Variants in SLC66A2 observed in about 807,000 individuals in gnomAD.
SLC66A2 encodes solute carrier family 66 member 2.
A neutral mutation model predicts 25.5 loss-of-function variants in SLC66A2; 23 were observed. That is an observed-to-expected ratio of 0.90 (90% confidence interval 0.65 to 1.28). The LOEUF (loss-of-function observed/expected upper bound fraction) is 1.28. Among genes scored for constraint, SLC66A2 ranks in the 50% most tolerant of loss-of-function variants. The pLI, the probability that SLC66A2 is intolerant of heterozygous loss-of-function variation, is 0.00. For missense variants in SLC66A2, 396 were observed against 373.1 expected (o/e 1.06, Z -0.51); for synonymous variants, 193 against 166.5 (o/e 1.16, Z -1.23).
rs1981748270 is a variant in SLC66A2, at chr18:79,904,499, G to A, written c.609-316C>T. Among the ~76,000 whole-genome samples the A allele has an allele frequency of 6.6e-6, 1 of 152,078 alleles. No individual in the cohort carries two copies. Among genetic ancestry groups the A allele is most frequent in the South Asian group, 2.1e-4 (1 of 4,822 alleles). On this transcript the variant is annotated intron_variant, in intron 5 of 5. Transcript: ENST00000397778. This position sits in a 1 kb window ranked among gnomAD's most constrained non-coding sequence, Gnocchi z 6.3. ...GGCCGCAAGAGCTGCCGCCTGGCTG[G>A]GGCTCTGCAAGCCCAAGAACAGTGA...
At chr18:79,916,158 C>T (rs367827974) in intron 5 of SLC66A2, among the ~76,000 whole-genome samples, 114 of 50,870 alleles carry the variant, frequency 2.2e-3, no homozygotes, top group East Asian at 7.3e-3. Flanking sequence ...GCGGCGCTCT[C>T]GTACCCGCAG....
intron 5 of SLC66A2, among the ~76,000 whole-genome samples, chr18:79,906,694 T>G (rs1369000778): frequency 6.6e-6 from 1 of 152,272 alleles, no homozygotes; most frequent in Non-Finnish European, 1.5e-5. Context: ...TTCACTTGGC[T>G]GTTGATGGTG....
chr18:79,933,384 G>A (rs1336176433), intron 4 of SLC66A2, among the ~76,000 whole-genome samples: 1 of 152,100 alleles, frequency 6.6e-6, no homozygotes, highest in East Asian at 1.9e-4. Flanking sequence ...AATAAGATAG[G>A]TGCATCCACT....
Position 79,904,030 on chromosome 18 carries a change from G to A in SLC66A2, c.762C>T (p.His254=). 1 of 1,606,064 alleles carries A rather than the reference G, an allele frequency of 6.2e-7. No homozygotes were observed. The highest frequency in any genetic ancestry group is 8.5e-7 in the Non-Finnish European group (1 of 1,177,062). ...ILGQAYAFAR[H]PQKPAPHAVH... ...CGGCGTGGGGCGCCGGCTTCTGGGG[G>A]TGGCGGGCGAAGGCGTAGGCCTGCC... Residue 254 remains histidine, a synonymous_variant, in exon 6 of 6, where the codon CAC becomes CAT. Coordinates refer to ENST00000397778, the MANE Select transcript of SLC66A2 (RefSeq NM_025078.5). The surrounding 1 kb of genome is among the most constrained non-coding windows in gnomAD (Gnocchi z 6.3).
intron 5 of SLC66A2, among the ~76,000 whole-genome samples, chr18:79,914,010 G>A (rs781620752): frequency 1.4e-4 from 21 of 152,214 alleles, no homozygotes; most frequent in Non-Finnish European, 2.4e-4. Context: ...CCAGGTTCAA[G>A]TGATTCTCCT....
intron 4 of SLC66A2, among the ~76,000 whole-genome samples, chr18:79,923,969 C>T (rs1034609764): frequency 2.7e-5 from 4 of 150,094 alleles, no homozygotes; most frequent in Non-Finnish European, 4.4e-5. Context: ...CCCAGGAGTT[C>T]AAGGCTGTAG....
In SLC66A2 at chr18:79,919,208, CG is replaced by C. The variant is rs771949291; in HGVS notation, c.583del (p.Arg195AlafsTer8). On this transcript the variant is annotated frameshift_variant, in exon 5 of 6. Coordinates refer to ENST00000397778, the MANE Select transcript of SLC66A2 (RefSeq NM_025078.5). LOFTEE classifies it high-confidence loss of function. ...CCTCATGCCCTCCGTGGACTGGTGG[CG>C]GTGGTTGCGGTAAAGCTGGGGCACA... The part of the protein sequence containing the change: ...LGVPQLYRNH[R>X]HQSTEGMSIK... 3.5e-5 allele frequency: 56 copies of C among 1,612,954 alleles called. No individual in the cohort carries two copies. Among genetic ancestry groups the C allele is most frequent in the Non-Finnish European group, 4.5e-5 (53 of 1,179,994 alleles).
intron 2 of SLC66A2, chr18:79,944,529 C>G (rs72984216): frequency 6.6e-6 from 1 of 152,420 alleles, no homozygotes; most frequent in South Asian, 2.1e-4. Context: ...TGCCTCCCTG[C>G]GGTCTCTGCC....
chr18:79,906,871 G>T (rs1209070677), intron 5 of SLC66A2, among the ~76,000 whole-genome samples: 2 of 152,210 alleles, frequency 1.3e-5, no homozygotes, highest in Non-Finnish European at 2.9e-5. Flanking sequence ...CAGAACTGTT[G>T]TATCTTCTTG....
intron 5 of SLC66A2, among the ~76,000 whole-genome samples, chr18:79,908,797 T>C (rs903021809): frequency 3.9e-5 from 6 of 152,248 alleles, no homozygotes; most frequent in Non-Finnish European, 8.8e-5. Flanking sequence ...TCGTGAAATA[T>C]ATTATTTAGA....
intron 1 of SLC66A2, 83 bp from the exon 2 acceptor site, chr18:79,951,108 G>A: frequency 3.0e-6 from 1 of 334,032 alleles, no homozygotes; most frequent in Non-Finnish European, 5.2e-6. Context: ...CGCGCCAGCC[G>A]CAGGACCCGA....
At chr18:79,913,970 G>A (rs536936835) in intron 5 of SLC66A2, among the ~76,000 whole-genome samples, 48 of 152,224 alleles carry the variant, frequency 3.2e-4, no homozygotes, top group African/African-American at 1.0e-3. Context: ...GTGCAGTGGC[G>A]CGATCTTGGC....
chr18:79,924,171 C>T (rs1471660458), intron 4 of SLC66A2, among the ~76,000 whole-genome samples: 7 of 152,138 alleles, frequency 4.6e-5, no homozygotes, highest in Admixed American at 1.3e-4. Context: ...AGGCACGAGG[C>T]GAGGCAGCTG....
rs780373368 is a variant in SLC66A2, at chr18:79,940,759, C to T, written c.337+2570G>A. ...AGGCCTGGCCCATCCACCAAGGGGACGTGGACATGTATAAACTCAAACCGG... is the reference window on the plus strand; with the variant it reads ...AGGCCTGGCCCATCCACCAAGGGGATGTGGACATGTATAAACTCAAACCGG... On this transcript the variant is annotated intron_variant, in intron 3 of 5. Transcript: ENST00000397778. The surrounding 1 kb of genome is among the most constrained non-coding windows in gnomAD (Gnocchi z 4.1). 2.6e-5 allele frequency among the ~76,000 whole-genome samples: 4 copies of T among 152,128 alleles called. No individual in the cohort carries two copies. The highest frequency in any genetic ancestry group is 6.5e-5 in the Admixed American group (1 of 15,280).
intron 5 of SLC66A2, 62 bp downstream of exon 5, chr18:79,919,122 A>C: frequency 6.9e-7 from 1 of 1,456,872 alleles, no homozygotes; most frequent in South Asian, 1.2e-5. Context: ...ATTTTTACCA[A>C]ATCTGCAGCC....
Position 79,919,267 on chromosome 18 carries a change from G to A in SLC66A2, c.525C>T (p.Gly175=), listed in dbSNP as rs1984679663. 1 of 1,613,370 alleles carries A rather than the reference G, an allele frequency of 6.2e-7. No homozygotes were observed. The highest frequency in any genetic ancestry group is 8.5e-7 in the Non-Finnish European group (1 of 1,180,028). The stretch of plus-strand genomic sequence containing the variant: ...TGGCTTCGGTCAGCACAGCCAGGAA[G>A]CCCAGGGTCTCCACAAACAGGGCGG... ...IDSALFVETL[G]FLAVLTEAML... The change falls in exon 5 of 6, where the codon GGC becomes GGT. Residue 175 remains glycine (G), a synonymous_variant. Transcript: ENST00000397778.
At position 79,918,374 on chromosome 18, in the gene SLC66A2, G is replaced by T. The variant is rs115478030; in HGVS notation, c.608+810C>A. Among the ~76,000 whole-genome samples, 7 of 151,664 alleles carry T rather than the reference G, an allele frequency of 4.6e-5. No homozygotes were observed. Among genetic ancestry groups the T allele is most frequent in the Non-Finnish European group, 5.9e-5 (4 of 67,902 alleles). ...CGTGTGGGGGCTCAGGGTGTTCTCC[G>T]TGAGGAGCGGGCACCGGGGGGCGGA... On this transcript the variant is annotated intron_variant, in intron 5 of 5. Coordinates refer to ENST00000397778, the MANE Select transcript of SLC66A2 (RefSeq NM_025078.5). This position sits in a 1 kb window ranked among gnomAD's most constrained non-coding sequence, Gnocchi z 4.0.
rs1413950674 is a variant in SLC66A2, at chr18:79,902,423, G to A, written c.*1553C>T. The A allele has an allele frequency of 6.6e-6, 1 of 152,294 alleles. No homozygotes were observed. Among genetic ancestry groups the A allele is most frequent in the Non-Finnish European group, 1.5e-5 (1 of 68,074 alleles). The allele number at this position is 152,294 out of a possible 1,614,324, so 9.4% of individuals were successfully genotyped here. A position where few individuals can be genotyped will look rare whatever the true frequency, so the allele number is the denominator to read the frequency against. ...CTTCCCTCTGCCCAAGGCCAACTCA[G>A]GATCCACAAATGGTTTATTGATTCC... On this transcript the variant is annotated 3_prime_UTR_variant, in exon 6 of 6. Coordinates refer to ENST00000397778, the MANE Select transcript of SLC66A2 (RefSeq NM_025078.5).
chr18:79,914,533 C>T (rs192213097), intron 5 of SLC66A2, among the ~76,000 whole-genome samples: 1 of 151,594 alleles, frequency 6.6e-6, no homozygotes, highest in East Asian at 2.0e-4. Flanking sequence ...AGGCAGGTAC[C>T]ACAGGAGCAC....
Sources: allele counts gnomAD v4.1 joint callset (sites outside exome capture counted in the v4.1 genomes callset), GRCh38; gene constraint gnomAD v4.1.1; non-coding constraint Gnocchi (gnomAD v3.1); transcripts MANE v1.5; gene names NCBI Gene and HGNC (gene_info 2026-07-23, HGNC 2026-07-21).